The following DHX37 variants were observed in gnomAD, a reference collection of about 807,000 sequenced individuals.
DHX37 encodes DEAH-box helicase 37.
DHX37 carries 52 observed loss-of-function variants against 134.3 expected under a neutral mutation model. The ratio of observed to expected loss-of-function variants is 0.39; its 90% confidence interval spans 0.31 to 0.49. The LOEUF (loss-of-function observed/expected upper bound fraction) is 0.49. DHX37 is among the 20% of genes least tolerant of loss of function. DHX37 has a pLI of 0.93. For missense variants in DHX37, 1,344 were observed against 1,580.8 expected (o/e 0.85, Z 2.54); for synonymous variants, 634 against 670.7 (o/e 0.95, Z 0.85).
chr12:124,954,898 C>T (rs1327685521), intron 18 of DHX37, among the ~76,000 whole-genome samples: 1 of 152,192 alleles, frequency 6.6e-6, no homozygotes, highest in Non-Finnish European at 1.5e-5. Flanking sequence ...TTATCATTAT[C>T]ATCATCCCCA....
rs1954417504 is a variant in DHX37 at position 124,967,628 on chromosome 12, C to T, written c.1409-410G>A. ...AGAATGGATGGGAGCCCCGAAAGGC[C>T]ATAAGCAGAGCAAGGACAGAGCATC... is the stretch of plus-strand genomic sequence containing the variant. On this transcript the variant is annotated intron_variant, in intron 10 of 26. Transcript: ENST00000308736. Among the ~76,000 whole-genome samples, 4 of 152,294 alleles carry T rather than the reference C, an allele frequency of 2.6e-5. No individual in the cohort carries two copies. The Middle Eastern group carries it at 0.014, about 518-fold the overall frequency.
chr12:124,962,387 G>A (rs978088988), intron 15 of DHX37, among the ~76,000 whole-genome samples: 1 of 152,154 alleles, frequency 6.6e-6, no homozygotes, highest in Admixed American at 6.5e-5. Flanking sequence ...CGGGCGCCGT[G>A]GCTAATGCCT....
chr12:124,968,809 G>C (rs536224438), intron 9 of DHX37, 58 bp downstream of exon 9: 2 of 1,606,516 alleles, frequency 1.2e-6, no homozygotes, highest in Admixed American at 3.4e-5. Flanking sequence ...GGGGGCTCCC[G>C]ACACCAGGGC....
rs779613772 is a variant in DHX37 at position 124,967,167 on chromosome 12, C to T, written c.1460G>A (p.Arg487His). 4.5e-5 allele frequency: 73 copies of T among 1,613,652 alleles called. No individual in the cohort carries two copies. Among genetic ancestry groups the T allele is most frequent in the South Asian group, 6.6e-5 (6 of 91,078 alleles). The change falls in exon 11 of 27, where the codon CGC becomes CAC. Residue 487 changes from arginine to histidine, a missense_variant. Physicochemically the swap from Arg to His is conservative, Grantham distance 29. Transcript: ENST00000308736. ...GGGTGGGAAAGCCTTCCTGAGCCTG[C>T]GGCACAGCGCATGCACCTCAGCCTG... The part of the protein sequence containing the change: ...TGQAEVHALC[R>H]RLRKAFPPSR...
Position 124,964,450 on chromosome 12 carries a change from T to C in DHX37, c.1989A>G (p.Ala663=). 3 of 1,614,154 alleles carry C rather than the reference T, an allele frequency of 1.9e-6. No homozygotes were observed. Among genetic ancestry groups the C allele is most frequent in the South Asian group, 2.2e-5 (2 of 91,086 alleles). ...CTCTGCCCGCTCGCTGGTCAGCTGATGCCTGGGAGACCCAGGTGACACGGA... is the reference window on the plus strand; with the variant it reads ...CTCTGCCCGCTCGCTGGTCAGCTGACGCCTGGGAGACCCAGGTGACACGGA... The part of the protein sequence containing the change: ...SSFRVTWVSQ[A]SADQRAGRAG... Residue 663 remains alanine (A), a synonymous_variant, in exon 15 of 27, where the codon GCA becomes GCG. Coordinates refer to ENST00000308736, the MANE Select transcript of DHX37 (RefSeq NM_032656.4).
rs1468604657 is a variant in DHX37, at chr12:124,953,985, C to G, written c.2590G>C (p.Ala864Pro). 6.2e-7 allele frequency: 1 copy of G among 1,613,548 alleles called. No homozygotes were observed. The highest frequency in any genetic ancestry group is 8.5e-7 in the Non-Finnish European group (1 of 1,179,988). Residue 864 changes from alanine to proline, a missense_variant, in exon 20 of 27, where the codon GCC becomes CCC. Around this residue, in one of 7 missense-constraint regions of DHX37, gnomAD observed 558 missense variants for 650.0 expected, o/e 0.86. Transcript: ENST00000308736. Reference protein sequence around the residue: ...DLMVLLGAVGACEYASCTPQF... With the variant: ...DLMVLLGAVGPCEYASCTPQF... ...GGTGTGCAGCTGGCATACTCACAGG[C>G]TCCCACGGCGCCTGGGGAACGAAGA...
intron 10 of DHX37, among the ~76,000 whole-genome samples, chr12:124,968,210 T>C (rs1954435060): frequency 6.6e-6 from 1 of 152,106 alleles, no homozygotes; most frequent in Non-Finnish European, 1.5e-5. Flanking sequence ...AGGGTATCCG[T>C]GACTCTTGGG....
intron 10 of DHX37, among the ~76,000 whole-genome samples, chr12:124,968,024 T>A (rs1410730088): frequency 6.6e-6 from 1 of 151,780 alleles, no homozygotes; most frequent in African/African-American, 2.4e-5. Context: ...GAGGTTGCAG[T>A]GAGCCAAGAT....
At position 124,964,913 on chromosome 12, in the gene DHX37, C is replaced by T. The variant is rs115796941; in HGVS notation, c.1812+17G>A. On this transcript the variant is annotated intron_variant, in intron 14 of 26. Coordinates refer to ENST00000308736, the MANE Select transcript of DHX37 (RefSeq NM_032656.4). Reference sequence around the variant, plus strand: ...TAAAAGTGCCCCAAAAGCTGGGCACCGGCCCAGCACGGTTACCTGTGCTTG... The same window carrying T: ...TAAAAGTGCCCCAAAAGCTGGGCACTGGCCCAGCACGGTTACCTGTGCTTG... 6.1e-4 allele frequency: 968 copies of T among 1,577,204 alleles called. 5 individuals carry two copies. Among genetic ancestry groups the T allele is most frequent in the African/African-American group, 4.3e-3 (325 of 74,852 alleles).
At chr12:124,952,079 C>T (rs1953986941) in intron 21 of DHX37, among the ~76,000 whole-genome samples, 1 of 152,072 alleles carries the variant, frequency 6.6e-6, no homozygotes, top group African/African-American at 2.4e-5. Flanking sequence ...CCTGGGAATT[C>T]GAGGCTGCAG....
chr12:124,973,567 A>C (rs1040537711), intron 6 of DHX37, among the ~76,000 whole-genome samples: 3 of 151,228 alleles, frequency 2.0e-5, no homozygotes, highest in African/African-American at 7.3e-5. Flanking sequence ...CAATTATTAC[A>C]ACTGGGTCTT....
intron 16 of DHX37, 122 bp from the exon 17 acceptor site, chr12:124,957,257 G>C: frequency 1.2e-6 from 1 of 857,718 alleles, no homozygotes; most frequent in Non-Finnish European, 1.6e-6. Context: ...CATGCCAGTG[G>C]GGACACAGGG....
chr12:124,960,166 GCC>G (rs879729732), intron 16 of DHX37, 144 bp downstream of exon 16: 2 of 1,371,312 alleles, frequency 1.5e-6, no homozygotes, highest in Non-Finnish European at 2.0e-6. Context: ...GAGCCCAGAA[GCC>G]CTGGGAGCAC....
intron 21 of DHX37, among the ~76,000 whole-genome samples, chr12:124,951,901 G>T (rs1273419505): frequency 2.0e-5 from 3 of 152,188 alleles, no homozygotes; most frequent in African/African-American, 2.4e-5. Context: ...GAACCCAGGA[G>T]GTGGAGGTTG....
intron 14 of DHX37, 124 bp from the exon 15 acceptor site, chr12:124,964,750 A>G: frequency 1.3e-6 from 2 of 1,497,146 alleles, no homozygotes; most frequent in Non-Finnish European, 1.8e-6. Context: ...AAGCCATCCC[A>G]TCTGGGGCCC....
chr12:124,958,932 C>A (rs1246974296), intron 16 of DHX37, among the ~76,000 whole-genome samples: 1 of 126,028 alleles, frequency 7.9e-6, no homozygotes, highest in Non-Finnish European at 1.7e-5. Context: ...TTTTTTGGGA[C>A]GGAGTCTTGC....
At chr12:124,974,034 A>G (rs1387957070) in intron 6 of DHX37, among the ~76,000 whole-genome samples, 1 of 151,230 alleles carries the variant, frequency 6.6e-6, no homozygotes, top group Non-Finnish European at 1.5e-5. Flanking sequence ...GCTCACTGCA[A>G]GCTCTGCCTC....
In DHX37 at chr12:124,980,915, T is replaced by C. The variant is rs1054586547; in HGVS notation, c.390-77A>G. On this transcript the variant is annotated intron_variant, in intron 3 of 26. Coordinates refer to ENST00000308736, the MANE Select transcript of DHX37 (RefSeq NM_032656.4). This position sits in a 1 kb window ranked among gnomAD's most constrained non-coding sequence, Gnocchi z 5.3. ...GGTCAGGACTCCAAGGCCATACCCC[T>C]TTCTGCCTCAGGGACTTTGCACCTG... The C allele has an allele frequency of 6.8e-7, 1 of 1,478,112 alleles. No homozygotes were observed. Among genetic ancestry groups the C allele is most frequent in the South Asian group, 1.3e-5 (1 of 79,018 alleles). The allele number at this position is 1,478,112 out of a possible 1,614,324, so 91.6% of individuals were successfully genotyped here.
intron 18 of DHX37, 57 bp from the exon 19 acceptor site, chr12:124,954,268 A>G: frequency 6.6e-7 from 1 of 1,514,902 alleles, no homozygotes; most frequent in Non-Finnish European, 8.8e-7. Context: ...TCAGGGCCTC[A>G]GCGGGGGGAA....
Sources: gnomAD v4.1 joint callset for allele counts (sites outside exome capture counted in the v4.1 genomes callset) on GRCh38, gnomAD v4.1.1 for gene constraint, gnomAD v4.1.1 regional missense constraint, Gnocchi (gnomAD v3.1) non-coding constraint, MANE v1.5 for transcripts, NCBI Gene and HGNC (gene_info 2026-07-23, HGNC 2026-07-21) for gene names.